The following KLF13 variants were observed in gnomAD, a reference collection of about 807,000 sequenced individuals.
KLF13 encodes KLF transcription factor 13.
A neutral mutation model predicts 16.7 loss-of-function variants in KLF13; 8 were observed. The ratio of observed to expected loss-of-function variants is 0.48; its 90% confidence interval spans 0.28 to 0.87. The LOEUF (loss-of-function observed/expected upper bound fraction) is 0.87, where lower values mean the gene tolerates loss of function less well. Ranked by LOEUF, KLF13 falls within the 40% of genes least tolerant of loss-of-function variation. The pLI is 0.10. For synonymous variants in KLF13, 245 were observed against 208.4 expected (o/e 1.18, Z -1.51); for missense variants, 447 against 452.2 (o/e 0.99, Z 0.10).
At chr15:31,417,855 T>A (rs1263734089) in intron 1 of KLF13, among the ~76,000 whole-genome samples, 1 of 152,192 alleles carries the variant, frequency 6.6e-6, no homozygotes, top group Non-Finnish European at 1.5e-5. Context: ...TTTCTGGTAT[T>A]CTGTTACAGC....
At chr15:31,399,689 G>A (rs2140990758) in intron 2 of KLF13, among the ~76,000 whole-genome samples, 1 of 152,374 alleles carries the variant, frequency 6.6e-6, no homozygotes, top group Non-Finnish European at 1.5e-5. Context: ...CAGAGTCAGA[G>A]CTGGCTCAGC....
At chr15:31,384,210 G>A (rs111828285) in intron 1 of KLF13, among the ~76,000 whole-genome samples, 73 of 152,236 alleles carry the variant, frequency 4.8e-4, no homozygotes, top group African/African-American at 1.7e-3. Flanking sequence ...AGGCTGAGGC[G>A]GGCAGATCAC....
intron 1 of KLF13, among the ~76,000 whole-genome samples, chr15:31,355,199 G>C (rs912727126): frequency 1.3e-5 from 2 of 152,210 alleles, no homozygotes; most frequent in Non-Finnish European, 2.9e-5. Flanking sequence ...AGGTGAGGAA[G>C]AGGCCAGGTG....
At chr15:31,340,039 C>A (rs2038996116) in intron 1 of KLF13, 3 of 702,170 alleles carry the variant, frequency 4.3e-6, no homozygotes. Context: ...TAGGGCTGAC[C>A]CAGGTTGCCC....
At chr15:31,394,658 T>G (rs1297839824) in intron 2 of KLF13, among the ~76,000 whole-genome samples, 1 of 152,248 alleles carries the variant, frequency 6.6e-6, no homozygotes, top group Non-Finnish European at 1.5e-5. Flanking sequence ...ATAACTTTTT[T>G]GAGATATAAT....
intron 2 of KLF13, among the ~76,000 whole-genome samples, chr15:31,396,033 T>C (rs1295394430): frequency 1.3e-5 from 2 of 152,184 alleles, no homozygotes; most frequent in Non-Finnish European, 2.9e-5. Flanking sequence ...TTTCTTTCTT[T>C]CTTTTTTTTG....
intron 1 of KLF13, among the ~76,000 whole-genome samples, chr15:31,346,858 G>T (rs1417934480): frequency 6.6e-6 from 1 of 152,210 alleles, no homozygotes; most frequent in Non-Finnish European, 1.5e-5. Flanking sequence ...GCACCCCTCT[G>T]TGCTGGCGGC....
upstream of KLF13, among the ~76,000 whole-genome samples, chr15:31,391,696 T>TG (rs1340781551): frequency 3.1e-5 from 4 of 129,032 alleles, no homozygotes; most frequent in African/African-American, 1.2e-4. Context: ...GGGGGCTGTG[T>TG]GGGGGCTCTG....
intron 1 of KLF13, among the ~76,000 whole-genome samples, chr15:31,355,431 G>A (rs956141786): frequency 6.6e-6 from 1 of 152,218 alleles, no homozygotes; most frequent in Non-Finnish European, 1.5e-5. Context: ...TGTTAGAGTA[G>A]TGCATGTGGT....
At chr15:31,332,276 A>G (rs1360904049) in intron 1 of KLF13, among the ~76,000 whole-genome samples, 4 of 152,372 alleles carry the variant, frequency 2.6e-5, no homozygotes, top group Admixed American at 2.6e-4. Context: ...CTATTGTGTC[A>G]CGACTCCACC....
intron 1 of KLF13, among the ~76,000 whole-genome samples, chr15:31,338,723 AG>A (rs1196936428): frequency 6.6e-6 from 1 of 151,960 alleles, no homozygotes; most frequent in East Asian, 1.9e-4. Context: ...TCTGCAAACC[AG>A]GGGGGCCAGC....
rs2039617124 is a variant in KLF13 at position 31,374,779 on chromosome 15, TAGGA to T, written c.*2486_*2489del. 1 of 139,108 alleles carries T rather than the reference TAGGA, an allele frequency of 7.2e-6. No individual in the cohort carries two copies. Among genetic ancestry groups the T allele is most frequent in the African/African-American group, 2.8e-5 (1 of 36,228 alleles). The allele number at this position is 139,108 out of a possible 1,614,324, so 8.6% of individuals were successfully genotyped here. ...TTCTAGCTCCACATCTGTCTGCACA[TAGGA>T]AGGAAAAGATAGGACTCTAAACCTA... On this transcript the variant is annotated 3_prime_UTR_variant, in exon 2 of 2. Coordinates refer to ENST00000307145, the MANE Select transcript of KLF13 (RefSeq NM_015995.4).
intron 1 of KLF13, among the ~76,000 whole-genome samples, chr15:31,428,535 G>A (rs953931904): frequency 2.0e-5 from 3 of 152,002 alleles, no homozygotes; most frequent in Non-Finnish European, 4.4e-5. Context: ...GGCCGCGGGC[G>A]GTGGCTCACG....
intron 1 of KLF13, among the ~76,000 whole-genome samples, chr15:31,383,904 A>T (rs550527201): frequency 2.9e-4 from 41 of 143,438 alleles, no homozygotes; most frequent in Admixed American, 6.2e-4. Flanking sequence ...TCCGTCTCAA[A>T]AAATAAATAA....
At chr15:31,397,051 C>G (rs1317646271) in intron 2 of KLF13, among the ~76,000 whole-genome samples, 1 of 152,010 alleles carries the variant, frequency 6.6e-6, no homozygotes, top group Non-Finnish European at 1.5e-5. Context: ...GGGGCTGGTG[C>G]CTGTCCCTAC....
At chr15:31,379,520 G>A (rs1286402837), downstream of KLF13, among the ~76,000 whole-genome samples, 2 of 152,126 alleles carry the variant, frequency 1.3e-5, no homozygotes, top group Non-Finnish European at 1.5e-5. Flanking sequence ...CAGAAGACTG[G>A]GGGACCCACC....
chr15:31,396,372 T>C (rs866017589), intron 2 of KLF13, among the ~76,000 whole-genome samples: 31 of 151,300 alleles, frequency 2.0e-4, no homozygotes, highest in African/African-American at 7.1e-4. Flanking sequence ...TTGGCCAGGA[T>C]GGTCTTGATC....
At chr15:31,409,277 T>G (rs991082725), downstream of KLF13, among the ~76,000 whole-genome samples, 2 of 151,856 alleles carry the variant, frequency 1.3e-5, no homozygotes, top group African/African-American at 4.8e-5. Flanking sequence ...AGAGCAGGAC[T>G]CTAACTCAAA....
intron 1 of KLF13, chr15:31,420,008 T>C: frequency 3.3e-6 from 1 of 307,036 alleles, no homozygotes; most frequent in Non-Finnish European, 6.4e-6. Context: ...GCAGAAACAT[T>C]ATAGGCTGGA....
Sources: allele counts gnomAD v4.1 joint callset (sites outside exome capture counted in the v4.1 genomes callset), GRCh38; gene constraint gnomAD v4.1.1; transcripts MANE v1.5; gene names NCBI Gene and HGNC (gene_info 2026-07-23, HGNC 2026-07-21).